CFAP299: variants seen among roughly 807,000 people sequenced by gnomAD.
CFAP299 encodes the protein cilia- and flagella-associated protein 299.
CFAP299 carries 21 observed loss-of-function variants against 27.0 expected under a neutral mutation model. That is an observed-to-expected ratio of 0.78 (90% CI 0.55 to 1.12). CFAP299 has a LOEUF of 1.12. Ranked by LOEUF, CFAP299 falls within the 50% of genes most tolerant of loss-of-function variation. The pLI is 0.00. For synonymous variants in CFAP299, 104 were observed against 98.1 expected (o/e 1.06, Z -0.36); for missense variants, 310 against 276.6 (o/e 1.12, Z -0.86).
intron 3 of CFAP299, among the ~76,000 whole-genome samples, chr4:80,775,435 T>C (rs1461570605): frequency 6.6e-6 from 1 of 152,074 alleles, no homozygotes; most frequent in Non-Finnish European, 1.5e-5. Context: ...ACATTGCATT[T>C]ACTAATTTAT....
chr4:80,342,083 T>C (rs141667709), intron 1 of CFAP299, among the ~76,000 whole-genome samples: 203 of 152,194 alleles, frequency 1.3e-3, no homozygotes, highest in African/African-American at 4.5e-3. Flanking sequence ...TTGAAGACCA[T>C]CTTTCTGAAA....
chr4:80,465,498 C>A (rs184363579), intron 2 of CFAP299, among the ~76,000 whole-genome samples: 148 of 152,278 alleles, frequency 9.7e-4, no homozygotes, highest in Non-Finnish European at 1.9e-3. Context: ...GAGCAACCTG[C>A]AGTTATGTAC....
At chr4:80,884,629 AAAT>A (rs1004112258) in intron 4 of CFAP299, among the ~76,000 whole-genome samples, 1 of 138,662 alleles carries the variant, frequency 7.2e-6, no homozygotes, top group Non-Finnish European at 1.5e-5. Context: ...AAAATAATAA[AAAT>A]AATAAATTAT....
At chr4:80,688,160 G>A (rs1003369553) in intron 3 of CFAP299, among the ~76,000 whole-genome samples, 7 of 152,216 alleles carry the variant, frequency 4.6e-5, no homozygotes, top group Non-Finnish European at 7.3e-5. Flanking sequence ...CAAAGCAGCC[G>A]GGAAGCTCGA....
intron 3 of CFAP299, among the ~76,000 whole-genome samples, chr4:80,769,269 G>A (rs910343540): frequency 1.3e-5 from 2 of 152,146 alleles, no homozygotes; most frequent in Non-Finnish European, 2.9e-5. Flanking sequence ...CTATTTTACT[G>A]ATGCAGAAGT....
At chr4:80,401,177 A>G (rs888121228) in intron 2 of CFAP299, among the ~76,000 whole-genome samples, 4 of 152,218 alleles carry the variant, frequency 2.6e-5, no homozygotes, top group African/African-American at 9.6e-5. Context: ...TGACTATGCA[A>G]TAGAAAAGAA....
chr4:80,907,116 C>T (rs1474381943), intron 4 of CFAP299, among the ~76,000 whole-genome samples: 1 of 152,144 alleles, frequency 6.6e-6, no homozygotes, highest in Admixed American at 6.6e-5. Context: ...TTCAAAGTCC[C>T]ACAGACCTCT....
intron 3 of CFAP299, among the ~76,000 whole-genome samples, chr4:80,686,257 G>A (rs147481831): frequency 2.6e-5 from 4 of 152,154 alleles, no homozygotes; most frequent in Admixed American, 2.0e-4. Flanking sequence ...ATTCTGTCTG[G>A]CCATTCCCAC....
chr4:80,759,021 T>C (rs1725407954), intron 3 of CFAP299, among the ~76,000 whole-genome samples: 1 of 152,158 alleles, frequency 6.6e-6, no homozygotes, highest in African/African-American at 2.4e-5. Context: ...TTTCAAAAAA[T>C]ATACACATAT....
At chr4:80,805,857 G>T (rs968129174) in intron 3 of CFAP299, among the ~76,000 whole-genome samples, 1 of 152,042 alleles carries the variant, frequency 6.6e-6, no homozygotes, top group African/African-American at 2.4e-5. Flanking sequence ...CTGGCTGAGA[G>T]AGCGAGAGAC....
intron 2 of CFAP299, among the ~76,000 whole-genome samples, chr4:80,542,105 T>C (rs892834431): frequency 5.9e-5 from 9 of 152,202 alleles, no homozygotes; most frequent in Admixed American, 4.6e-4. Flanking sequence ...TTTGCCCTTG[T>C]TCATCAGACT....
At chr4:80,745,100 TGATGTTTGAAC>T (rs143751356) in intron 3 of CFAP299, among the ~76,000 whole-genome samples, 11,073 of 152,182 alleles carry the variant, frequency 0.073, 475 homozygotes, top group Middle Eastern at 0.092. Flanking sequence ...CAAAAAATGA[TGATGTTTGAAC>T]GAGAAAGCAA....
intron 4 of CFAP299, among the ~76,000 whole-genome samples, chr4:80,882,491 A>G (rs1733753876): frequency 1.3e-5 from 2 of 152,034 alleles, no homozygotes; most frequent in Non-Finnish European, 2.9e-5. Flanking sequence ...ACAAAAAATT[A>G]GCCGGGCGCG....
rs374603765 is a variant in CFAP299 at position 80,528,446 on chromosome 4, G to T, written c.243-54647G>T. ...AATGTGGTAGGCATCAGGGAAAGAT[G>T]GCTAGATTCTCCTTTAGTTTGAGGC... On this transcript the variant is annotated intron_variant, in intron 2 of 5. Transcript: ENST00000358105. Among the ~76,000 whole-genome samples, 15 of 152,200 alleles carry T rather than the reference G, an allele frequency of 9.9e-5. No individual in the cohort carries two copies. In the South Asian group the frequency reaches 1.7e-3, roughly 17 times the overall value.
intron 5 of CFAP299, among the ~76,000 whole-genome samples, chr4:80,947,133 A>C (rs1397446429): frequency 1.3e-5 from 2 of 152,200 alleles, no homozygotes; most frequent in Non-Finnish European, 2.9e-5. Context: ...AAAATAGTCA[A>C]CCATGAGATT....
chr4:80,877,460 A>G (rs1186531959), intron 4 of CFAP299, among the ~76,000 whole-genome samples: 2 of 152,178 alleles, frequency 1.3e-5, no homozygotes, highest in South Asian at 2.1e-4. Flanking sequence ...AGTTTGGTCC[A>G]TTGCTTTAAA....
intron 4 of CFAP299, chr4:80,870,565 G>T: frequency 1.0e-6 from 1 of 987,224 alleles, no homozygotes; most frequent in Non-Finnish European, 1.2e-6. Flanking sequence ...TCCTATTCTG[G>T]GACACCCATT....
At chr4:80,355,905 T>TG in intron 1 of CFAP299, among the ~76,000 whole-genome samples, 1 of 152,198 alleles carries the variant, frequency 6.6e-6, no homozygotes, top group South Asian at 2.1e-4. Flanking sequence ...TCATAAAACC[T>TG]TTGCTTATGC....
intron 2 of CFAP299, among the ~76,000 whole-genome samples, chr4:80,575,589 C>A (rs1735813081): frequency 1.3e-5 from 2 of 151,758 alleles, no homozygotes; most frequent in Admixed American, 6.6e-5. Context: ...TTCAAAAAAA[C>A]CAATTTTCCC....
Sources: allele counts gnomAD v4.1 joint callset (sites outside exome capture counted in the v4.1 genomes callset), GRCh38; gene constraint gnomAD v4.1.1; transcripts MANE v1.5; gene names NCBI Gene and HGNC (gene_info 2026-07-23, HGNC 2026-07-21).